ANO3: variants seen among roughly 807,000 people sequenced by gnomAD.
ANO3 encodes the protein anoctamin-3.
ANO3 carries 99 observed loss-of-function variants against 144.8 expected under a neutral mutation model. That is an observed-to-expected ratio of 0.68 (90% CI 0.58 to 0.81). The LOEUF is 0.81. Ranked by LOEUF, ANO3 falls within the 30% of genes least tolerant of loss-of-function variation. The pLI, the probability that ANO3 is intolerant of heterozygous loss-of-function variation, is 0.00. For missense variants in ANO3, 905 were observed against 1,202.2 expected (o/e 0.75, Z 3.66); for synonymous variants, 414 against 392.6 (o/e 1.05, Z -0.64).
intron 1 of ANO3, among the ~76,000 whole-genome samples, chr11:26,355,399 TTAAAGAGTC>T (rs1855753345): frequency 6.6e-6 from 1 of 152,188 alleles, no homozygotes; most frequent in African/African-American, 2.4e-5. Flanking sequence ...AAATTTATGT[TTAAAGAGTC>T]TAATATCATT....
rs369348477 is a variant in ANO3 at position 26,395,900 on chromosome 11, A to G, written c.47-46018A>G. On this transcript the variant is annotated intron_variant, in intron 1 of 26. Coordinates refer to ENST00000256737, the MANE Select transcript of ANO3 (RefSeq NM_031418.4). ...AGGCATGGGCAAAGACTTCATGACT[A>G]AAACACCAAAAGCAAGGGCAACAAA... 1.3e-3 allele frequency among the ~76,000 whole-genome samples: 195 copies of G among 152,320 alleles called. 3 individuals are homozygous for G. In the South Asian group the frequency reaches 0.036, roughly 28 times the overall value.
intron 4 of ANO3, among the ~76,000 whole-genome samples, chr11:26,474,346 A>G (rs1183674340): frequency 5.3e-5 from 8 of 151,926 alleles, no homozygotes. Flanking sequence ...TAAACCAAAT[A>G]TCACCTCTGA....
chr11:26,194,446 G>GTGTGTGTGTA (rs751244380), intron 1 of ANO3, among the ~76,000 whole-genome samples: 23,871 of 116,362 alleles, frequency 0.21, 2,807 homozygotes, highest in Admixed American at 0.24. Context: ...AGTGGTGTGT[G>GTGTGTGTGTA]TGTGTGTGTG....
chr11:26,406,956 A>G (rs1003314550), intron 1 of ANO3, among the ~76,000 whole-genome samples: 1 of 146,388 alleles, frequency 6.8e-6, no homozygotes, highest in Admixed American at 7.0e-5. Context: ...ATATATACAT[A>G]TATATATACA....
rs1343754374 is a variant in ANO3, at chr11:26,643,244, T to C, written c.2338T>C (p.Leu780=). The C allele has an allele frequency of 6.2e-7, 1 of 1,614,212 alleles. No individual in the cohort carries two copies. The highest frequency in any genetic ancestry group is 1.1e-5 in the South Asian group (1 of 91,084). Reference sequence around the variant, plus strand: ...TTTTCCTCTAGCCCCTCTTTTGGCTTTGTTAAACAATATCATTGAAATCAG... The same window carrying C: ...TTTTCCTCTAGCCCCTCTTTTGGCTCTGTTAAACAATATCATTGAAATCAG... ...AAFPLAPLLA[L]LNNIIEIRLD... Residue 780 remains leucine (L), a synonymous_variant, in exon 23 of 27, where the codon TTG becomes CTG. Transcript: ENST00000256737.
intron 8 of ANO3, among the ~76,000 whole-genome samples, chr11:26,532,703 A>T (rs145387723): frequency 3.9e-5 from 6 of 151,908 alleles, no homozygotes; most frequent in African/African-American, 1.2e-4. Flanking sequence ...ATTGTTTGCC[A>T]TGCTCTGCCC....
chr11:26,603,917 G>T (rs1851866552), intron 17 of ANO3, among the ~76,000 whole-genome samples: 1 of 152,086 alleles, frequency 6.6e-6, no homozygotes, highest in African/African-American at 2.4e-5. Flanking sequence ...TATTTAGCAT[G>T]ACCATCACCT....
chr11:26,204,528 T>A (rs1851759677), intron 1 of ANO3, among the ~76,000 whole-genome samples: 2 of 152,130 alleles, frequency 1.3e-5, no homozygotes, highest in Non-Finnish European at 2.9e-5. Context: ...ATTTTTTCAC[T>A]TATCACTCTG....
chr11:26,195,082 G>A (rs1851558883), intron 1 of ANO3, among the ~76,000 whole-genome samples: 1 of 152,150 alleles, frequency 6.6e-6, no homozygotes, highest in Non-Finnish European at 1.5e-5. Flanking sequence ...TCTACCAATA[G>A]AAGTATTTCT....
At chr11:26,596,183 C>T (rs1254711887) in intron 14 of ANO3, among the ~76,000 whole-genome samples, 1 of 119,340 alleles carries the variant, frequency 8.4e-6, no homozygotes, top group East Asian at 3.6e-4. Context: ...CTTTCTCTTT[C>T]TCTCTTTCTT....
At chr11:26,194,079 C>T (rs1182291862) in intron 1 of ANO3, among the ~76,000 whole-genome samples, 2 of 152,106 alleles carry the variant, frequency 1.3e-5, no homozygotes, top group Admixed American at 6.6e-5. Context: ...TAGCACAATG[C>T]CTGCAACTAA....
chr11:26,489,390 G>C (rs1860609933), intron 4 of ANO3, among the ~76,000 whole-genome samples: 1 of 152,200 alleles, frequency 6.6e-6, no homozygotes, highest in South Asian at 2.1e-4. Flanking sequence ...TTTGTTGCAG[G>C]GGTGCAGCCC....
chr11:26,544,281 T>C (rs365863), intron 11 of ANO3, among the ~76,000 whole-genome samples: 46,835 of 84,390 alleles, frequency 0.55, 13,190 homozygotes, highest in East Asian at 0.74. Flanking sequence ...TATACACACA[T>C]ACACACACAC....
chr11:26,503,831 C>A (rs938562628), intron 4 of ANO3, among the ~76,000 whole-genome samples: 3 of 152,054 alleles, frequency 2.0e-5, no homozygotes, highest in Non-Finnish European at 2.9e-5. Flanking sequence ...GTTAGCGTTC[C>A]ATTTTCAGTC....
At chr11:26,572,770 C>A (rs1024807167) in intron 14 of ANO3, among the ~76,000 whole-genome samples, 1 of 152,100 alleles carries the variant, frequency 6.6e-6, no homozygotes, top group African/African-American at 2.4e-5. Context: ...GAAAAATAAT[C>A]ATCATGACTG....
chr11:26,352,505 A>T (rs1332324240), intron 1 of ANO3, among the ~76,000 whole-genome samples: 2 of 152,034 alleles, frequency 1.3e-5, no homozygotes, highest in Non-Finnish European at 2.9e-5. Context: ...CTTCCCCTGG[A>T]TCTTTTTGAC....
chr11:26,270,446 T>C (rs540793479), intron 1 of ANO3, among the ~76,000 whole-genome samples: 2 of 152,338 alleles, frequency 1.3e-5, no homozygotes, highest in Admixed American at 1.3e-4. Context: ...GAATCTATGA[T>C]ACTTTCACAT....
rs1364371846 is a variant in ANO3, at chr11:26,647,876, A to T, written c.2576+20A>T. 6.3e-7 allele frequency: 1 copy of T among 1,596,042 alleles called. No homozygotes were observed. The highest frequency in any genetic ancestry group is 8.6e-7 in the Non-Finnish European group (1 of 1,168,204). On this transcript the variant is annotated intron_variant, in intron 24 of 26. Coordinates refer to ENST00000256737, the MANE Select transcript of ANO3 (RefSeq NM_031418.4). ...TGAAAAGTAAGGTTTAAATTTAAAC[A>T]TTTTCCTGATATGTTTTACATTTGT...
At chr11:26,273,230 T>C (rs934610955) in intron 1 of ANO3, among the ~76,000 whole-genome samples, 10 of 145,650 alleles carry the variant, frequency 6.9e-5, no homozygotes, top group African/African-American at 2.7e-4. Flanking sequence ...TTTAAAGTTT[T>C]TTTTTTTTTT....
Sources: allele counts gnomAD v4.1 joint callset (sites outside exome capture counted in the v4.1 genomes callset), GRCh38; gene constraint gnomAD v4.1.1; transcripts MANE v1.5; gene names NCBI Gene and HGNC (gene_info 2026-07-23, HGNC 2026-07-21).